The following TDRD15 variants were observed in gnomAD, a reference collection of about 807,000 sequenced individuals.
TDRD15 encodes the protein tudor domain containing 15.
For missense variants in TDRD15, 1,416 were observed against 904.7 expected (o/e 1.57, Z -7.25); for synonymous variants, 503 against 314.5 (o/e 1.60, Z -6.34).
chr2:21,124,425 G>A (rs1033723777), intron 1 of TDRD15, among the ~76,000 whole-genome samples: 19 of 151,592 alleles, frequency 1.3e-4, no homozygotes, highest in African/African-American at 4.4e-4. Context: ...GAGTGTGAGA[G>A]AAACCCTAAT....
At position 21,140,138 on chromosome 2, in the gene TDRD15, A is replaced by C. The variant is rs1404319562; in HGVS notation, c.2671A>C (p.Ile891Leu). 1.4e-6 allele frequency: 1 copy of C among 715,884 alleles called. No individual in the cohort carries two copies. The highest frequency in any genetic ancestry group is 2.0e-5 in the Admixed American group (1 of 49,890). 44.3% of individuals were successfully genotyped at this position (715,884 alleles called of 1,614,324 possible). A position where few individuals can be genotyped will look rare whatever the true frequency, so the allele number is the denominator to read the frequency against. Residue 891 changes from isoleucine (I) to leucine (L), a missense_variant, in exon 4 of 4, where the codon ATC becomes CTC. By Grantham distance (5) the Ile-to-Leu change is conservative. Transcript: ENST00000405799. ...AGCATTCAGAGACTTGTGGAATTTT[A>C]TCTCTTCATCTAGAGGGTTATTGAC... ...RKAFRDLWNFISSSRGLLTCI... is the reference protein window; with the variant it reads ...RKAFRDLWNFLSSSRGLLTCI...
intron 2 of TDRD15, among the ~76,000 whole-genome samples, chr2:21,128,309 A>G (rs1482663610): frequency 6.8e-6 from 1 of 146,924 alleles, no homozygotes; most frequent in Non-Finnish European, 1.5e-5. Flanking sequence ...TAAATCTGTC[A>G]TTTGTCTATT....
chr2:21,131,409 C>T (rs1665715892), intron 2 of TDRD15, among the ~76,000 whole-genome samples: 1 of 152,102 alleles, frequency 6.6e-6, no homozygotes, highest in Non-Finnish European at 1.5e-5. Flanking sequence ...ACAAAAAGTT[C>T]CCTTATGATT....
chr2:21,125,419 C>T (rs547979284), intron 1 of TDRD15, among the ~76,000 whole-genome samples: 2 of 141,444 alleles, frequency 1.4e-5, no homozygotes, highest in Non-Finnish European at 3.1e-5. Flanking sequence ...GGAAGAGATC[C>T]GAATGCCAGG....
At chr2:21,135,738 G>A (rs1202649001) in intron 3 of TDRD15, among the ~76,000 whole-genome samples, 2 of 151,972 alleles carry the variant, frequency 1.3e-5, no homozygotes, top group Non-Finnish European at 2.9e-5. Flanking sequence ...GGGGTGTAAT[G>A]CCTCAGCAGT....
chr2:21,128,849 G>C (rs1298778818), intron 2 of TDRD15, among the ~76,000 whole-genome samples: 1 of 149,768 alleles, frequency 6.7e-6, no homozygotes, highest in Non-Finnish European at 1.5e-5. Flanking sequence ...CATTTATAGA[G>C]AAATTCGAAG....
intron 1 of TDRD15, among the ~76,000 whole-genome samples, chr2:21,125,901 A>G (rs1029775553): frequency 3.9e-5 from 6 of 152,176 alleles, no homozygotes; most frequent in Non-Finnish European, 5.9e-5. Context: ...AGACCTATTC[A>G]TCAGAGCCAA....
rs1459372601 is a variant in TDRD15, at chr2:21,141,880, A to G, written c.4413A>G (p.Ala1471=). 1 of 715,518 alleles carries G rather than the reference A, an allele frequency of 1.4e-6. No individual in the cohort carries two copies. Among genetic ancestry groups the G allele is most frequent in the Non-Finnish European group, 2.6e-6 (1 of 383,706 alleles). The allele number at this position is 715,518 out of a possible 1,614,324, so 44.3% of individuals were successfully genotyped here. A position where few individuals can be genotyped will look rare whatever the true frequency, so the allele number is the denominator to read the frequency against. Residue 1471 remains alanine, a synonymous_variant, in exon 4 of 4, where the codon GCA becomes GCG. Transcript: ENST00000405799. ...CVINELLKWK[A]CSKLQKSALQ... Reference sequence around the variant, plus strand: ...TTAATGAACTACTGAAATGGAAAGCATGTTCAAAACTGCAGAAGTCAGCAT... The same window carrying G: ...TTAATGAACTACTGAAATGGAAAGCGTGTTCAAAACTGCAGAAGTCAGCAT...
intron 1 of TDRD15, among the ~76,000 whole-genome samples, chr2:21,124,985 TTGTG>T (rs1378204874): frequency 7.5e-6 from 1 of 133,136 alleles, no homozygotes; most frequent in Non-Finnish European, 1.6e-5. Context: ...GATCCTAATA[TTGTG>T]TGTGAGTGTG....
chr2:21,146,161 C>G (rs1305684258), downstream of TDRD15, among the ~76,000 whole-genome samples: 1 of 151,906 alleles, frequency 6.6e-6, no homozygotes, highest in Non-Finnish European at 1.5e-5. Flanking sequence ...TGTGTAAAAA[C>G]TCTTAGAATC....
intron 3 of TDRD15, among the ~76,000 whole-genome samples, chr2:21,135,539 G>T (rs1167039514): frequency 6.6e-6 from 1 of 151,926 alleles, no homozygotes; most frequent in African/African-American, 2.4e-5. Flanking sequence ...TTCCAGTCTT[G>T]TTCCTTCAGC....
downstream of TDRD15, among the ~76,000 whole-genome samples, chr2:21,145,111 A>C (rs1290683889): frequency 6.6e-6 from 1 of 151,962 alleles, no homozygotes; most frequent in East Asian, 1.9e-4. Flanking sequence ...AGAGTGCCCC[A>C]CCCATGAACC....
At position 21,138,752 on chromosome 2, in the gene TDRD15, A is replaced by G. The variant is rs1372698687; in HGVS notation, c.1285A>G (p.Lys429Glu). The G allele has an allele frequency of 4.2e-6, 3 of 715,800 alleles. No individual in the cohort carries two copies. Among genetic ancestry groups the G allele is most frequent in the Non-Finnish European group, 7.8e-6 (3 of 384,198 alleles). The allele number at this position is 715,800 out of a possible 1,614,324, so 44.3% of individuals were successfully genotyped here. A position where few individuals can be genotyped will look rare whatever the true frequency, so the allele number is the denominator to read the frequency against. ...AGTACTTTGTCCGATGTCTGATTCA[A>G]AAATCTCCAATATCTTGAGTGAGAC... ...TQVLCPMSDS[K>E]ISNILSETSV... The change falls in exon 4 of 4, where the codon AAA (lysine) becomes GAA (glutamate). Residue 429 changes from lysine to glutamate, a missense_variant. Lys to Glu is a moderately conservative substitution (Grantham distance 56, BLOSUM62 1). Coordinates refer to ENST00000405799, the MANE Select transcript of TDRD15 (RefSeq NM_001306137.2).
At chr2:21,126,819 A>G (rs1286064157) in intron 1 of TDRD15, among the ~76,000 whole-genome samples, 1 of 152,178 alleles carries the variant, frequency 6.6e-6, no homozygotes, top group Non-Finnish European at 1.5e-5. Context: ...ATTTATCTTG[A>G]GTAAATACTC....
chr2:21,124,950 C>G (rs1665554492), intron 1 of TDRD15, among the ~76,000 whole-genome samples: 1 of 144,048 alleles, frequency 6.9e-6, no homozygotes, highest in African/African-American at 2.6e-5. Context: ...GACCCTAATG[C>G]CAGGGTGTGT....
chr2:21,145,888 A>G (rs1160850569), downstream of TDRD15, among the ~76,000 whole-genome samples: 6 of 151,940 alleles, frequency 3.9e-5, no homozygotes, highest in African/African-American at 1.4e-4. Context: ...AAAGCATAAA[A>G]AAGGGACTCT....
chr2:21,136,915 C>T (rs117613135), intron 3 of TDRD15, among the ~76,000 whole-genome samples: 11 of 152,028 alleles, frequency 7.2e-5, no homozygotes, highest in East Asian at 3.9e-4. Flanking sequence ...AGATGAATCC[C>T]GGGATTGTAT....
At chr2:21,126,367 C>CT (rs113135613) in intron 1 of TDRD15, among the ~76,000 whole-genome samples, 79 of 145,684 alleles carry the variant, frequency 5.4e-4, no homozygotes, top group South Asian at 1.5e-3. Flanking sequence ...GTGTTTCATT[C>CT]TTTTTTTTTT....
chr2:21,130,812 A>G (rs1017161415), intron 2 of TDRD15, among the ~76,000 whole-genome samples: 25 of 152,232 alleles, frequency 1.6e-4, no homozygotes, highest in Admixed American at 1.5e-3. Context: ...ATTTACTACC[A>G]AACACTTGCA....
Sources: gnomAD v4.1 joint callset for allele counts (sites outside exome capture counted in the v4.1 genomes callset) on GRCh38, gnomAD v4.1.1 for gene constraint, MANE v1.5 for transcripts, NCBI Gene and HGNC (gene_info 2026-07-23, HGNC 2026-07-21) for gene names.